The following KIF26B variants were observed in gnomAD, a reference collection of about 807,000 sequenced individuals.
KIF26B encodes kinesin family member 26B, also known as kinesin-like protein KIF26B.
Under a neutral mutation model 151.2 loss-of-function variants are expected in KIF26B, and 63 were observed. The ratio of observed to expected loss-of-function variants is 0.42; its 90% CI spans 0.34 to 0.51. The LOEUF is 0.51. KIF26B is among the 20% of genes least tolerant of loss of function. The pLI is 0.07. For missense variants in KIF26B, 2,813 were observed against 2,913.6 expected (o/e 0.97, Z 0.79); for synonymous variants, 1,357 against 1,262.1 (o/e 1.08, Z -1.59).
At chr1:245,690,045 G>A (rs947483477) in intron 12 of KIF26B, among the ~76,000 whole-genome samples, 3 of 152,144 alleles carry the variant, frequency 2.0e-5, no homozygotes, top group Non-Finnish European at 2.9e-5. Context: ...GAAATGAAAG[G>A]ATGGTAAGGA....
intron 4 of KIF26B, among the ~76,000 whole-genome samples, chr1:245,513,304 A>G (rs868611723): frequency 2.6e-5 from 4 of 151,862 alleles, no homozygotes; most frequent in Middle Eastern, 3.4e-3. Context: ...GAGACCAGAT[A>G]TGCTGATACC....
intron 5 of KIF26B, among the ~76,000 whole-genome samples, chr1:245,553,021 A>AGAGGTGACACCGCTTTTCAGAGTGGAT (rs1210359808): frequency 1.3e-5 from 2 of 152,188 alleles, no homozygotes; most frequent in Non-Finnish European, 2.9e-5. Context: ...AATAATTCCT[A>AGAGGTGACACCGCTTTTCAGAGTGGAT]GAGGTGACAC....
intron 2 of KIF26B, among the ~76,000 whole-genome samples, chr1:245,258,021 A>T (rs1670571575): frequency 7.4e-6 from 1 of 134,840 alleles, no homozygotes; most frequent in Non-Finnish European, 1.5e-5. Context: ...ACTCTGTCTT[A>T]AAAAAAAAAA....
At chr1:245,574,516 G>A (rs1288627901) in intron 5 of KIF26B, among the ~76,000 whole-genome samples, 1 of 152,200 alleles carries the variant, frequency 6.6e-6, no homozygotes, top group South Asian at 2.1e-4. Flanking sequence ...AGAGCAGGAA[G>A]GTGTGGCCAG....
At chr1:245,279,306 CTTTTT>C (rs5782332) in intron 2 of KIF26B, among the ~76,000 whole-genome samples, 1 of 132,648 alleles carries the variant, frequency 7.5e-6, no homozygotes, top group Admixed American at 7.6e-5. Flanking sequence ...TTTTTTCTTT[CTTTTT>C]TTTTTTTTTT....
intron 4 of KIF26B, among the ~76,000 whole-genome samples, chr1:245,471,166 T>C (rs956583857): frequency 6.6e-6 from 1 of 151,988 alleles, no homozygotes; most frequent in Non-Finnish European, 1.5e-5. Context: ...AGTTTTGCCC[T>C]GTCACCTAGA....
chr1:245,695,193 G>A (rs1157080874), intron 12 of KIF26B, among the ~76,000 whole-genome samples: 2 of 152,150 alleles, frequency 1.3e-5, no homozygotes, highest in Non-Finnish European at 2.9e-5. Flanking sequence ...TATTTATATG[G>A]GGCCCCAGAC....
At position 245,679,474 on chromosome 1, in the gene KIF26B, T is replaced by G. The variant is rs867956651; in HGVS notation, c.2259-4759T>G. Among the ~76,000 whole-genome samples, 616 of 138,130 alleles carry G rather than the reference T, an allele frequency of 4.5e-3. 5 individuals carry two copies. Among genetic ancestry groups the G allele is most frequent in the South Asian group, 9.4e-3 (38 of 4,044 alleles). 90.6% of individuals were successfully genotyped at this position (138,130 alleles called of 152,430 possible). A position where few individuals can be genotyped will look rare whatever the true frequency, so the allele number is the denominator to read the frequency against. On this transcript the variant is annotated intron_variant, in intron 10 of 14. Coordinates refer to ENST00000407071, the MANE Select transcript of KIF26B (RefSeq NM_018012.4). ...TTGTGTGTGTTTTTTTTTTTTTTTT[T>G]TTTTTTTTTTTTGACACAAGGTCTT...
At chr1:245,637,674 A>G (rs1361272082) in intron 9 of KIF26B, among the ~76,000 whole-genome samples, 1 of 151,908 alleles carries the variant, frequency 6.6e-6, no homozygotes, top group Non-Finnish European at 1.5e-5. Context: ...GTTGATTTTC[A>G]TAATGTGATA....
intron 2 of KIF26B, among the ~76,000 whole-genome samples, chr1:245,235,553 A>T (rs1670089815): frequency 6.6e-6 from 1 of 152,010 alleles, no homozygotes; most frequent in African/African-American, 2.4e-5. Context: ...TGATCACGCC[A>T]CTGCACTCGA....
At chr1:245,399,991 A>G (rs1673955654) in intron 3 of KIF26B, among the ~76,000 whole-genome samples, 1 of 152,200 alleles carries the variant, frequency 6.6e-6, no homozygotes, top group East Asian at 1.9e-4. Context: ...CCCTACTTTC[A>G]AAATAACCTT....
chr1:245,687,511 G>A lies in KIF26B; in HGVS notation c.4528G>A (p.Val1510Met), dbSNP rs1476836998. 1.1e-5 allele frequency: 17 copies of A among 1,575,422 alleles called. No homozygotes were observed. The highest frequency in any genetic ancestry group is 7.0e-5 in the East Asian group (3 of 42,582). The change falls in exon 12 of 15, where the codon GTG becomes ATG. Residue 1510 changes from valine (V) to methionine (M), a missense_variant. Transcript: ENST00000407071. The surrounding 1 kb of genome is among the most constrained non-coding windows in gnomAD (Gnocchi z 4.9). ...SPVTDNFRRV[V>M]DGCEMALPGL... is the part of the protein sequence containing the mutation. ...GGTCACTGACAACTTCAGGAGGGTC[G>A]TGGATGGGTGTGAGATGGCCCTGCC...
At chr1:245,174,043 C>A (rs1668761196) in intron 2 of KIF26B, among the ~76,000 whole-genome samples, 1 of 152,170 alleles carries the variant, frequency 6.6e-6, no homozygotes, top group Non-Finnish European at 1.5e-5. Context: ...TAAATGGTTC[C>A]CTGCATAGTA....
intron 2 of KIF26B, among the ~76,000 whole-genome samples, chr1:245,365,214 C>G (rs143192522): frequency 0.012 from 1,778 of 152,264 alleles, 18 homozygotes; most frequent in Non-Finnish European, 0.017. Flanking sequence ...GAGGACGCCT[C>G]GAGACAGGCC....
chr1:245,400,373 A>G (rs893335803), intron 3 of KIF26B, among the ~76,000 whole-genome samples: 1 of 152,092 alleles, frequency 6.6e-6, no homozygotes, highest in African/African-American at 2.4e-5. Flanking sequence ...AACAAATTGG[A>G]CTCTTAAAAT....
chr1:245,645,533 C>G (rs61006495), intron 9 of KIF26B, among the ~76,000 whole-genome samples: 1 of 152,080 alleles, frequency 6.6e-6, no homozygotes, highest in Non-Finnish European at 1.5e-5. Context: ...GCTTATGATT[C>G]TACTGTGGGA....
At chr1:245,350,838 A>AGTCTTCATGGGTAACTATCTCCAAAGC (rs1558398614) in intron 2 of KIF26B, among the ~76,000 whole-genome samples, 2 of 152,190 alleles carry the variant, frequency 1.3e-5, no homozygotes, top group Admixed American at 6.5e-5. Flanking sequence ...ATATGTGTGA[A>AGTCTTCATGGGTAACTATCTCCAAAGC]GTCTTCATGG....
Position 245,474,412 on chromosome 1 carries a change from T to G in KIF26B, c.1166+54667T>G, listed in dbSNP as rs977353205. Among the ~76,000 whole-genome samples the G allele has an allele frequency of 1.7e-4, 24 of 140,826 alleles. 1 individual carries two copies. The highest frequency in any genetic ancestry group is 6.1e-4 in the African/African-American group (23 of 37,846). 92.4% of individuals were successfully genotyped at this position (140,826 alleles called of 152,430 possible). A position where few individuals can be genotyped will look rare whatever the true frequency, so the allele number is the denominator to read the frequency against. The stretch of plus-strand genomic sequence containing the variant: ...CGTGAGCCACTGCTCCTGGCTTTTT[T>G]TTGTTGTTGTTTTTTTTTTTTTGGA... On this transcript the variant is annotated intron_variant, in intron 4 of 14. Coordinates refer to ENST00000407071, the MANE Select transcript of KIF26B (RefSeq NM_018012.4).
chr1:245,393,379 C>T (rs1673746800), intron 3 of KIF26B, among the ~76,000 whole-genome samples: 1 of 152,162 alleles, frequency 6.6e-6, no homozygotes, highest in Non-Finnish European at 1.5e-5. Flanking sequence ...TCATTGATCT[C>T]TCAGAATGTT....
Sources: gnomAD v4.1 joint callset for allele counts (sites outside exome capture counted in the v4.1 genomes callset) on GRCh38, gnomAD v4.1.1 for gene constraint, Gnocchi (gnomAD v3.1) non-coding constraint, MANE v1.5 for transcripts, NCBI Gene and HGNC (gene_info 2026-07-23, HGNC 2026-07-21) for gene names.